Variants in TENM1 observed in about 807,000 individuals in gnomAD.
TENM1 encodes teneurin transmembrane protein 1.
Under a neutral mutation model 174.8 loss-of-function variants are expected in TENM1, and 35 were observed. The observed-to-expected ratio is 0.20, with a 90% CI of 0.15 to 0.27. The LOEUF is 0.27. TENM1 is among the 10% of genes least tolerant of loss of function. TENM1 has a pLI of 1.00. For synonymous variants in TENM1, 781 were observed against 798.7 expected, an observed-to-expected ratio of 0.98 and a Z score of 0.37; for missense variants, 1,633 against 2,130.1, an observed-to-expected ratio of 0.77 and a Z score of 4.59.
At chrX:124,514,714 C>A (rs752290152) in intron 18 of TENM1, among the ~76,000 whole-genome samples, 7 of 110,491 alleles carry the variant, frequency 6.3e-5, no homozygotes, top group Admixed American at 3.8e-4. Context: ...ACCAACCAAC[C>A]AACAAACAAA....
At chrX:125,155,041 T>A in the TENM1 span, among the ~76,000 whole-genome samples, 1 of 111,370 alleles carries the variant, frequency 9.0e-6, no homozygotes, top group African/African-American at 3.3e-5. Flanking sequence ...CAGCCTGCTT[T>A]TATTCTCTTA....
intron 27 of TENM1, among the ~76,000 whole-genome samples, chrX:124,402,047 A>G (rs1231724069): frequency 8.9e-6 from 1 of 112,206 alleles, no homozygotes; most frequent in African/African-American, 3.2e-5. Context: ...GATGCAGTAG[A>G]AAGAGTGCCA....
chrX:124,464,401 T>C (rs770140821), intron 22 of TENM1, among the ~76,000 whole-genome samples: 28 of 111,652 alleles, frequency 2.5e-4, no homozygotes, highest in Non-Finnish European at 4.9e-4. Context: ...TTCACAAAAG[T>C]GGGGTAACTC....
At chrX:124,415,793 G>C (rs1350142509) in intron 25 of TENM1, among the ~76,000 whole-genome samples, 2 of 111,351 alleles carry the variant, frequency 1.8e-5, no homozygotes, top group Non-Finnish European at 3.8e-5. Flanking sequence ...CCCATTCACC[G>C]TGAGAATCTT....
At chrX:124,655,364 G>T (rs1043569166) in intron 6 of TENM1, among the ~76,000 whole-genome samples, 1 of 112,039 alleles carries the variant, frequency 8.9e-6, no homozygotes, top group Non-Finnish European at 1.9e-5. Context: ...TTTGTTTTGT[G>T]GTAATGGGGA....
intron 22 of TENM1, among the ~76,000 whole-genome samples, chrX:124,476,577 C>G (rs1226997283): frequency 1.8e-5 from 2 of 111,553 alleles, no homozygotes; most frequent in Non-Finnish European, 3.8e-5. Context: ...AGATATAACC[C>G]TTGGTGAGGT....
chrX:125,156,610 C>A, the TENM1 span, among the ~76,000 whole-genome samples: 3 of 112,020 alleles, frequency 2.7e-5, no homozygotes, highest in Non-Finnish European at 5.6e-5. Context: ...TATGGCTGTG[C>A]AGTATTCAAT....
At chrX:125,194,280 A>G in the TENM1 span, among the ~76,000 whole-genome samples, 2 of 110,582 alleles carry the variant, frequency 1.8e-5, no homozygotes, top group African/African-American at 6.6e-5. Flanking sequence ...TCTTCCTCAC[A>G]CCCTAAATTA....
Position 124,529,860 on chromosome X carries a change from A to G in TENM1, c.2771+4T>C. The G allele has an allele frequency of 8.3e-7, 1 of 1,211,207 alleles. No individual in the cohort carries two copies. Among genetic ancestry groups the G allele is most frequent in the Non-Finnish European group, 1.1e-6 (1 of 895,318 alleles). ...CACAATGATCAGAAACAACATTGAC[A>G]TACCTTCCATCTTGCCGGCTGATGG... On this transcript the variant is annotated splice_donor_region_variant and intron_variant, in intron 16 of 31. Coordinates refer to ENST00000422452, the Ensembl canonical transcript of TENM1.
chrX:125,202,100 G>A, the TENM1 span, among the ~76,000 whole-genome samples: 1 of 111,453 alleles, frequency 9.0e-6, no homozygotes, highest in South Asian at 3.8e-4. Flanking sequence ...TGGTAACACT[G>A]GAGTATCTAC....
chrX:124,913,778 T>C (rs1458425786), intron 1 of TENM1, among the ~76,000 whole-genome samples: 2 of 111,987 alleles, frequency 1.8e-5, no homozygotes, highest in Non-Finnish European at 3.8e-5. Context: ...CCAATTTTTG[T>C]ATTCACTAAC....
intron 3 of TENM1, among the ~76,000 whole-genome samples, chrX:124,809,849 AGAG>A (rs2055713780): frequency 9.7e-6 from 1 of 102,770 alleles, no homozygotes; most frequent in African/African-American, 3.7e-5. Context: ...AGCAGGAGAG[AGAG>A]AGAGAGAGAG....
intron 11 of TENM1, among the ~76,000 whole-genome samples, chrX:124,569,223 C>T (rs2843530): frequency 0.24 from 26,511 of 109,609 alleles, 2,440 homozygotes; most frequent in South Asian, 0.4. Flanking sequence ...CAAACAAAAC[C>T]CAACACTGAA....
intron 1 of TENM1, among the ~76,000 whole-genome samples, chrX:124,943,679 G>A (rs1287888738): frequency 8.9e-6 from 1 of 111,964 alleles, no homozygotes; most frequent in Non-Finnish European, 1.9e-5. Context: ...ATTATACATT[G>A]ATTAGCTAAC....
intron 6 of TENM1, among the ~76,000 whole-genome samples, chrX:124,664,849 A>AAGAT (rs1283512824): frequency 3.6e-5 from 4 of 110,890 alleles, no homozygotes; most frequent in Non-Finnish European, 5.7e-5. Flanking sequence ...ATTTTTAATC[A>AAGAT]AGATAGCCGT....
At chrX:124,731,527 G>A (rs1370511319) in intron 4 of TENM1, among the ~76,000 whole-genome samples, 1 of 111,572 alleles carries the variant, frequency 9.0e-6, no homozygotes, top group Non-Finnish European at 1.9e-5. Context: ...TGTGACAGGA[G>A]ACTAGAAACA....
intron 3 of TENM1, among the ~76,000 whole-genome samples, chrX:124,847,370 CA>C (rs911596494): frequency 9.0e-6 from 1 of 111,582 alleles, no homozygotes; most frequent in African/African-American, 3.3e-5. Context: ...TGCTTGTGTA[CA>C]AAATACCTTC....
Position 124,523,630 on chromosome X carries a change from G to A in TENM1, c.2772-5C>T. The A allele has an allele frequency of 8.3e-7, 1 of 1,207,517 alleles. No homozygotes were observed. Among genetic ancestry groups the A allele is most frequent in the Non-Finnish European group, 1.1e-6 (1 of 892,826 alleles). ...CCGATGGCCACGAGGTCAAAGCTAAGAAGGAAAAACATAAGACAGTTGCAA... is the reference window on the plus strand; with the variant it reads ...CCGATGGCCACGAGGTCAAAGCTAAAAAGGAAAAACATAAGACAGTTGCAA... On this transcript the variant is annotated splice_polypyrimidine_tract_variant and splice_region_variant and intron_variant, in intron 16 of 31. Transcript: ENST00000422452.
At chrX:124,639,930 T>C (rs16999329) in intron 11 of TENM1, among the ~76,000 whole-genome samples, 3,615 of 110,447 alleles carry the variant, frequency 0.033, 159 homozygotes, top group African/African-American at 0.11. Context: ...TGTAACCTTT[T>C]TCTAACTTGT....
Sources: gnomAD v4.1 joint callset for allele counts (sites outside exome capture counted in the v4.1 genomes callset) on GRCh38, gnomAD v4.1.1 for gene constraint, MANE v1.5 for transcripts, NCBI Gene and HGNC (gene_info 2026-07-23, HGNC 2026-07-21) for gene names.